XKR9: variants seen among roughly 807,000 people sequenced by gnomAD.
XKR9 encodes the protein XK-related protein 9.
In XKR9, 32 loss-of-function variants were observed where a neutral mutation model predicts 32.0. The ratio of observed to expected loss-of-function variants is 1.00; its 90% CI spans 0.76 to 1.34. The LOEUF (loss-of-function observed/expected upper bound fraction) is 1.34. Among genes scored for constraint, XKR9 ranks in the 40% most tolerant of loss-of-function variants. The pLI, the probability that XKR9 is intolerant of heterozygous loss-of-function variation, is 0.00. For missense variants in XKR9, 546 were observed against 429.7 expected (o/e 1.27, Z -2.39); for synonymous variants, 168 against 143.4 (o/e 1.17, Z -1.22).
the XKR9 span, among the ~76,000 whole-genome samples, chr8:70,820,179 A>G: frequency 2.6e-5 from 4 of 152,158 alleles, no homozygotes; most frequent in African/African-American, 9.7e-5. Context: ...GAACATCCTT[A>G]CCTCTAAGGA....
the XKR9 span, among the ~76,000 whole-genome samples, chr8:70,879,388 C>G: frequency 6.6e-6 from 1 of 151,524 alleles, no homozygotes; most frequent in Non-Finnish European, 1.5e-5. Context: ...TTGAAAAGAT[C>G]AACAAAATTG....
intron 4 of XKR9, among the ~76,000 whole-genome samples, chr8:70,722,557 A>T (rs976066254): frequency 1.3e-5 from 2 of 152,054 alleles, no homozygotes; most frequent in Non-Finnish European, 2.9e-5. Context: ...TACTTATGAA[A>T]CTTAGTTTGG....
At chr8:70,765,422 C>A (rs1807362520) in intron 2 of XKR9, among the ~76,000 whole-genome samples, 1 of 152,132 alleles carries the variant, frequency 6.6e-6, no homozygotes, top group African/African-American at 2.4e-5. Context: ...TCTTTGTCCA[C>A]TTTTTAATGG....
chr8:70,953,466 C>T, the XKR9 span, among the ~76,000 whole-genome samples: 41 of 152,234 alleles, frequency 2.7e-4, no homozygotes, highest in Admixed American at 1.5e-3. Flanking sequence ...TGTGCACCAC[C>T]GTGCCCGGCT....
At chr8:70,739,498 G>A (rs1315533512), downstream of XKR9, among the ~76,000 whole-genome samples, 2 of 152,164 alleles carry the variant, frequency 1.3e-5, no homozygotes, top group Non-Finnish European at 2.9e-5. Flanking sequence ...GTGCGAATTT[G>A]ATCCTGTCAT....
the XKR9 span, among the ~76,000 whole-genome samples, chr8:70,876,687 T>C: frequency 1.3e-5 from 2 of 152,128 alleles, no homozygotes; most frequent in Admixed American, 1.3e-4. Flanking sequence ...ATTTAGTAAA[T>C]GAATACTGAT....
the XKR9 span, among the ~76,000 whole-genome samples, chr8:70,852,864 A>G: frequency 6.6e-6 from 1 of 152,118 alleles, no homozygotes; most frequent in Non-Finnish European, 1.5e-5. Flanking sequence ...GGGGGACAGG[A>G]AAAGGAGGGA....
chr8:70,993,698 T>TCC, the XKR9 span, among the ~76,000 whole-genome samples: 5 of 149,766 alleles, frequency 3.3e-5, no homozygotes, highest in African/African-American at 1.2e-4. Flanking sequence ...CTCTTGAAGC[T>TCC]CCCCTCAGAA....
At chr8:70,712,509 A>G (rs1805953119) in intron 4 of XKR9, among the ~76,000 whole-genome samples, 1 of 152,118 alleles carries the variant, frequency 6.6e-6, no homozygotes, top group Non-Finnish European at 1.5e-5. Context: ...TCTCTCCCCT[A>G]GTAAATTATA....
the XKR9 span, among the ~76,000 whole-genome samples, chr8:70,950,982 C>T: frequency 6.6e-6 from 1 of 152,178 alleles, no homozygotes; most frequent in African/African-American, 2.4e-5. Flanking sequence ...CCTTCCTTCT[C>T]CTTTTCTTGT....
In XKR9 at chr8:70,734,556, T is replaced by C. The variant is rs2130135895; in HGVS notation, c.*132T>C. ...GAAATTAGTTCAGTGAAATAGGAGATACATAGTAGTATTTTATTTTTAAAA... is the reference window on the plus strand; with the variant it reads ...GAAATTAGTTCAGTGAAATAGGAGACACATAGTAGTATTTTATTTTTAAAA... On this transcript the variant is annotated 3_prime_UTR_variant, in exon 5 of 5. Transcript: ENST00000408926. The C allele has an allele frequency of 8.7e-7, 1 of 1,151,842 alleles. No individual in the cohort carries two copies. The highest frequency in any genetic ancestry group is 1.1e-6 in the Non-Finnish European group (1 of 891,930). 71.4% of individuals were successfully genotyped at this position (1,151,842 alleles called of 1,614,324 possible).
At chr8:70,741,087 G>T (rs948842882) in intron 2 of XKR9, among the ~76,000 whole-genome samples, 2 of 152,256 alleles carry the variant, frequency 1.3e-5, no homozygotes, top group African/African-American at 4.8e-5. Flanking sequence ...GCCTACAGAG[G>T]CAGGCAGGCC....
intron 4 of XKR9, among the ~76,000 whole-genome samples, chr8:70,716,335 G>A (rs80196942): frequency 0.018 from 2,708 of 152,244 alleles, 74 homozygotes; most frequent in African/African-American, 0.063. Context: ...ATAATAAGGT[G>A]TATTAGTCCA....
At chr8:70,738,290 G>T (rs907833563), downstream of XKR9, among the ~76,000 whole-genome samples, 2 of 144,278 alleles carry the variant, frequency 1.4e-5, no homozygotes, top group East Asian at 1.9e-4. Context: ...ATGGTAGTTT[G>T]TATTTCTGTG....
chr8:70,736,873 T>C (rs1332786573), downstream of XKR9, among the ~76,000 whole-genome samples: 1 of 151,858 alleles, frequency 6.6e-6, no homozygotes, highest in Non-Finnish European at 1.5e-5. Flanking sequence ...TACTGTAGCC[T>C]TGTAGTATAG....
intron 2 of XKR9, among the ~76,000 whole-genome samples, chr8:70,771,255 C>A (rs1318249092): frequency 6.6e-6 from 1 of 152,188 alleles, no homozygotes; most frequent in Non-Finnish European, 1.5e-5. Flanking sequence ...ACTGCTTAAC[C>A]AGTCCCAATG....
intron 3 of XKR9, among the ~76,000 whole-genome samples, chr8:70,696,749 A>G (rs1253342775): frequency 4.0e-5 from 6 of 151,202 alleles, no homozygotes; most frequent in Non-Finnish European, 8.9e-5. Flanking sequence ...TGGGGATGAC[A>G]TTGAATCTAT....
the XKR9 span, among the ~76,000 whole-genome samples, chr8:71,047,807 C>T: frequency 1.3e-5 from 2 of 152,128 alleles, no homozygotes; most frequent in African/African-American, 2.4e-5. Flanking sequence ...TCCCCCAGTG[C>T]TTTTTAAAAT....
chr8:71,007,744 T>C, the XKR9 span, among the ~76,000 whole-genome samples: 2 of 152,096 alleles, frequency 1.3e-5, no homozygotes, highest in Non-Finnish European at 2.9e-5. Context: ...AACTAGGTAT[T>C]GTGTGTGACT....
Sources: allele counts gnomAD v4.1 joint callset (sites outside exome capture counted in the v4.1 genomes callset), GRCh38; gene constraint gnomAD v4.1.1; transcripts MANE v1.5; gene names NCBI Gene and HGNC (gene_info 2026-07-23, HGNC 2026-07-21).